Variants in CSMD1 observed in about 807,000 individuals in gnomAD.
CSMD1 encodes the protein CUB and Sushi multiple domains 1.
CSMD1 carries 213 observed loss-of-function variants against 417.5 expected under a neutral mutation model. That is an observed-to-expected ratio of 0.51 (90% CI 0.46 to 0.57). CSMD1 has a LOEUF of 0.57. Among genes scored for constraint, CSMD1 ranks in the 20% least tolerant of loss-of-function variants. The pLI, the probability that CSMD1 is intolerant of heterozygous loss-of-function variation, is 0.00. For missense variants in CSMD1, 6,923 were observed against 4,529.7 expected (o/e 1.53, Z -15.17); for synonymous variants, 2,862 against 1,736.8 (o/e 1.65, Z -16.11).
intron 1 of CSMD1, among the ~76,000 whole-genome samples, chr8:4,956,633 A>C (rs999899891): frequency 7.2e-5 from 11 of 151,876 alleles, no homozygotes; most frequent in African/African-American, 2.7e-4. Flanking sequence ...TAAATGCAGA[A>C]AATTACTGGA....
At chr8:4,965,304 T>C (rs551993418) in intron 1 of CSMD1, among the ~76,000 whole-genome samples, 8 of 152,348 alleles carry the variant, frequency 5.3e-5, no homozygotes, top group African/African-American at 1.9e-4. Flanking sequence ...TCAGGCATAG[T>C]TGCAAATGCT....
chr8:4,838,066 G>T (rs1435224652), intron 1 of CSMD1, among the ~76,000 whole-genome samples: 2 of 152,164 alleles, frequency 1.3e-5, no homozygotes, highest in Non-Finnish European at 2.9e-5. Flanking sequence ...ACCAGGAAGG[G>T]ACATAGTGGA....
At chr8:4,250,089 G>A (rs1048428405) in intron 3 of CSMD1, among the ~76,000 whole-genome samples, 7 of 152,120 alleles carry the variant, frequency 4.6e-5, no homozygotes, top group African/African-American at 1.7e-4. Flanking sequence ...TTGCCCTTCT[G>A]CCATGGGATG....
At chr8:3,696,921 G>C (rs576134226) in intron 7 of CSMD1, among the ~76,000 whole-genome samples, 3 of 152,208 alleles carry the variant, frequency 2.0e-5, no homozygotes, top group Non-Finnish European at 2.9e-5. Flanking sequence ...CACTTTATCA[G>C]TCACTTTGCC....
At chr8:4,983,443 C>T (rs1811005276) in intron 1 of CSMD1, among the ~76,000 whole-genome samples, 1 of 152,190 alleles carries the variant, frequency 6.6e-6, no homozygotes, top group African/African-American at 2.4e-5. Flanking sequence ...TGCAAGAGTG[C>T]CCTTCAGTTC....
intron 18 of CSMD1, among the ~76,000 whole-genome samples, chr8:3,373,973 G>A (rs1408102490): frequency 7.5e-6 from 1 of 134,132 alleles, no homozygotes; most frequent in African/African-American, 2.8e-5. Context: ...TTTTTTTTGA[G>A]ATGGAGACTT....
chr8:3,525,174 T>C (rs1179428587), intron 10 of CSMD1, among the ~76,000 whole-genome samples: 1 of 152,168 alleles, frequency 6.6e-6, no homozygotes, highest in African/African-American at 2.4e-5. Flanking sequence ...TTCTTGTCTG[T>C]GTTCTGTGTG....
At chr8:4,387,828 T>C (rs892959198) in intron 3 of CSMD1, among the ~76,000 whole-genome samples, 2 of 152,122 alleles carry the variant, frequency 1.3e-5, no homozygotes, top group Admixed American at 1.3e-4. Flanking sequence ...TAGGTTTCTT[T>C]TCATAGCCAC....
intron 1 of CSMD1, among the ~76,000 whole-genome samples, chr8:4,985,560 C>G (rs1307540999): frequency 1.3e-5 from 2 of 152,156 alleles, no homozygotes; most frequent in Non-Finnish European, 2.9e-5. Flanking sequence ...TGTTAAGGAT[C>G]ATATCAGACT....
chr8:3,365,732 G>A (rs1809518321), intron 20 of CSMD1, among the ~76,000 whole-genome samples: 1 of 152,172 alleles, frequency 6.6e-6, no homozygotes. Context: ...TAAGTTTTTG[G>A]GGCGTCAAGA....
intron 7 of CSMD1, among the ~76,000 whole-genome samples, chr8:3,631,537 C>T (rs1343266244): frequency 6.6e-6 from 1 of 152,098 alleles, no homozygotes; most frequent in Non-Finnish European, 1.5e-5. Context: ...GAAAATGTTC[C>T]AAAATAGAAA....
chr8:3,889,215 ATAAT>A lies in CSMD1; in HGVS notation c.818+108684_818+108687del, dbSNP rs991278407. Among the ~76,000 whole-genome samples, 9 of 151,968 alleles carry A rather than the reference ATAAT, an allele frequency of 5.9e-5. No homozygotes were observed. In the East Asian group the frequency reaches 7.8e-4, roughly 13 times the overall value. On this transcript the variant is annotated intron_variant, in intron 5 of 69. Coordinates refer to ENST00000635120, the MANE Select transcript of CSMD1 (RefSeq NM_033225.6). The stretch of plus-strand genomic sequence containing the variant: ...CAAGACTAACTTAGCAGCAGCAATA[ATAAT>A]TAATCAAATTTAATAATGATAAATT...
intron 17 of CSMD1, among the ~76,000 whole-genome samples, chr8:3,394,725 C>G (rs753549354): frequency 1.3e-5 from 2 of 151,984 alleles, no homozygotes; most frequent in Non-Finnish European, 2.9e-5. Flanking sequence ...ATTGTTACTT[C>G]AAAGAGAAGT....
chr8:4,449,761 A>C (rs1799022417), intron 2 of CSMD1, among the ~76,000 whole-genome samples: 1 of 152,090 alleles, frequency 6.6e-6, no homozygotes, highest in South Asian at 2.1e-4. Context: ...AATGGTGGCA[A>C]GCAGTTGGGA....
chr8:4,678,401 ACT>A (rs1563124871), intron 1 of CSMD1, among the ~76,000 whole-genome samples: 1 of 151,728 alleles, frequency 6.6e-6, no homozygotes, highest in African/African-American at 2.4e-5. Flanking sequence ...ACAGAGCAAG[ACT>A]CTGTCTCAAC....
At chr8:3,136,901 A>T (rs559422964) in intron 41 of CSMD1, among the ~76,000 whole-genome samples, 5 of 148,990 alleles carry the variant, frequency 3.4e-5, no homozygotes, top group South Asian at 2.1e-4. Flanking sequence ...AAATTTTTTT[A>T]AAAATTTTTT....
chr8:4,781,194 G>C (rs1009464734), intron 1 of CSMD1, among the ~76,000 whole-genome samples: 5 of 152,166 alleles, frequency 3.3e-5, no homozygotes, highest in East Asian at 3.9e-4. Context: ...ATCTCCGCAA[G>C]AAAGGAAAGA....
intron 1 of CSMD1, among the ~76,000 whole-genome samples, chr8:4,811,467 T>A (rs1362312541): frequency 6.6e-6 from 1 of 152,154 alleles, no homozygotes; most frequent in Non-Finnish European, 1.5e-5. Flanking sequence ...GAATACAACT[T>A]CAAAAAATAC....
intron 1 of CSMD1, among the ~76,000 whole-genome samples, chr8:4,911,245 T>C (rs907359224): frequency 6.6e-6 from 1 of 152,264 alleles, no homozygotes; most frequent in African/African-American, 2.4e-5. Context: ...CAGTTTCAAA[T>C]GACCTTTGTC....
Sources: allele counts gnomAD v4.1 joint callset (sites outside exome capture counted in the v4.1 genomes callset), GRCh38; gene constraint gnomAD v4.1.1; transcripts MANE v1.5; gene names NCBI Gene and HGNC (gene_info 2026-07-23, HGNC 2026-07-21).